TFPI: variants seen among roughly 807,000 people sequenced by gnomAD.
The protein encoded by TFPI is tissue factor pathway inhibitor.
Under a neutral mutation model 34.6 loss-of-function variants are expected in TFPI, and 15 were observed. The observed-to-expected ratio is 0.43, with a 90% CI of 0.29 to 0.67. The LOEUF is 0.67. Ranked by LOEUF, TFPI falls within the 30% of genes least tolerant of loss-of-function variation. The pLI, the probability that TFPI is intolerant of heterozygous loss-of-function variation, is 0.15. For missense variants in TFPI, 301 were observed against 364.0 expected, an observed-to-expected ratio of 0.83 and a Z score of 1.41; for synonymous variants, 105 against 120.1, an observed-to-expected ratio of 0.87 and a Z score of 0.82.
At chr2:187,487,256 C>A (rs1415162806) in intron 4 of TFPI, among the ~76,000 whole-genome samples, 2 of 151,068 alleles carry the variant, frequency 1.3e-5, no homozygotes, top group African/African-American at 4.8e-5. Context: ...ACAGATAAGG[C>A]CTTCATTTAA....
intron 1 of TFPI, among the ~76,000 whole-genome samples, chr2:187,542,866 CA>C (rs11393601): frequency 0.016 from 1,975 of 121,726 alleles, 35 homozygotes; most frequent in African/African-American, 0.051. Flanking sequence ...GACTTAGTCT[CA>C]AAAAAAAAAA....
At chr2:187,521,857 G>A (rs1687393280) in intron 1 of TFPI, among the ~76,000 whole-genome samples, 1 of 152,036 alleles carries the variant, frequency 6.6e-6, no homozygotes, top group South Asian at 2.1e-4. Flanking sequence ...GTGAGCCACT[G>A]CACCAGGCCC....
chr2:187,488,349 T>C lies in TFPI; in HGVS notation c.346A>G (p.Thr116Ala). 1 of 1,570,422 alleles carries C rather than the reference T, an allele frequency of 6.4e-7. No individual in the cohort carries two copies. The highest frequency in any genetic ancestry group is 8.6e-7 in the Non-Finnish European group (1 of 1,163,706). ...AATAAATGTTCACCTTGTTGCAATG[T>C]TGTCTTTATAATCCTGTTTGCATTA... ...RDNANRIIKT[T>A]LQQEKPDFCF... Residue 116 changes from threonine (T) to alanine (A), a missense_variant, in exon 4 of 8, where the codon ACA becomes GCA. By Grantham distance (58) the Thr-to-Ala change is moderately conservative. Transcript: ENST00000233156.
chr2:187,489,914 C>G (rs1405518881), intron 3 of TFPI, among the ~76,000 whole-genome samples: 1 of 151,494 alleles, frequency 6.6e-6, no homozygotes. Flanking sequence ...AGCAAATTAT[C>G]AAGTTTTCTT....
chr2:187,508,136 T>C (rs1686358421), intron 1 of TFPI, among the ~76,000 whole-genome samples: 1 of 152,232 alleles, frequency 6.6e-6, no homozygotes, highest in East Asian at 1.9e-4. Flanking sequence ...TGTGCTGTTA[T>C]TTCTGAGGCC....
chr2:187,533,563 C>T (rs1262065572), intron 1 of TFPI, among the ~76,000 whole-genome samples: 1 of 152,212 alleles, frequency 6.6e-6, no homozygotes, highest in Non-Finnish European at 1.5e-5. Flanking sequence ...ACACAAACGT[C>T]ACCAACATCA....
intron 6 of TFPI, among the ~76,000 whole-genome samples, chr2:187,473,555 A>G (rs1478852202): frequency 6.6e-6 from 1 of 152,154 alleles, no homozygotes; most frequent in Non-Finnish European, 1.5e-5. Context: ...TGCTCAAGAT[A>G]TATGATAGAA....
intron 6 of TFPI, among the ~76,000 whole-genome samples, chr2:187,469,043 T>C (rs1691880207): frequency 6.6e-6 from 1 of 151,592 alleles, no homozygotes; most frequent in Non-Finnish European, 1.5e-5. Context: ...AAACCCCAGA[T>C]GAACAGACTG....
rs979344443 is a variant in TFPI, at chr2:187,478,914, T to A, written c.628+5210A>T. ...CTATAAACTGTATAGTACATTATGT[T>A]TTTCTTCAAAAAAATCTTGTAATCT... is the stretch of plus-strand genomic sequence containing the variant. On this transcript the variant is annotated intron_variant, in intron 6 of 7. Transcript: ENST00000233156. 6 of 809,912 alleles carry A rather than the reference T, an allele frequency of 7.4e-6. No individual in the cohort carries two copies. In the African/African-American group the frequency reaches 1.1e-4, roughly 14 times the overall value. 50.2% of individuals were successfully genotyped at this position (809,912 alleles called of 1,614,324 possible).
At chr2:187,526,236 G>A (rs528107333) in intron 1 of TFPI, among the ~76,000 whole-genome samples, 33 of 152,188 alleles carry the variant, frequency 2.2e-4, no homozygotes, top group Non-Finnish European at 3.5e-4. Flanking sequence ...AAGAGTTTAG[G>A]ATCAAACCGA....
chr2:187,517,969 T>G (rs1285599260), intron 1 of TFPI: 1 of 152,204 alleles, frequency 6.6e-6, no homozygotes, highest in Non-Finnish European at 1.5e-5. Flanking sequence ...CAACCCCTGC[T>G]TTGTTTTGGT....
chr2:187,532,555 C>CA (rs1688018665), intron 1 of TFPI, among the ~76,000 whole-genome samples: 1 of 152,234 alleles, frequency 6.6e-6, no homozygotes, highest in Non-Finnish European at 1.5e-5. Flanking sequence ...GGCCCAGATA[C>CA]AACGCTTTCC....
intron 1 of TFPI, among the ~76,000 whole-genome samples, chr2:187,504,578 AAAG>A (rs1474251565): frequency 1.3e-5 from 2 of 151,938 alleles, no homozygotes; most frequent in African/African-American, 4.8e-5. Flanking sequence ...AAAAAAAAAA[AAAG>A]AAAAGAAAGA....
intron 1 of TFPI, among the ~76,000 whole-genome samples, chr2:187,504,621 ACTT>A (rs1319434291): frequency 3.3e-5 from 5 of 151,988 alleles, no homozygotes; most frequent in South Asian, 2.1e-4. Context: ...TTTAAAGACG[ACTT>A]CTTCTTTGGA....
intron 3 of TFPI, among the ~76,000 whole-genome samples, chr2:187,489,410 C>T (rs540498422): frequency 6.6e-6 from 1 of 150,702 alleles, no homozygotes; most frequent in African/African-American, 2.4e-5. Context: ...ATATGTATAG[C>T]TGTATCTATT....
At chr2:187,487,626 C>T (rs942428939) in intron 4 of TFPI, among the ~76,000 whole-genome samples, 1 of 151,290 alleles carries the variant, frequency 6.6e-6, no homozygotes, top group Non-Finnish European at 1.5e-5. Flanking sequence ...AAATCAGTTT[C>T]CAGGCCTTTA....
At chr2:187,490,664 CAG>C (rs1685059683) in intron 3 of TFPI, among the ~76,000 whole-genome samples, 1 of 151,610 alleles carries the variant, frequency 6.6e-6, no homozygotes, top group African/African-American at 2.4e-5. Flanking sequence ...TTTTTGCATA[CAG>C]AGTGATAATA....
At chr2:187,497,278 G>T (rs1685548229) in intron 2 of TFPI, among the ~76,000 whole-genome samples, 200 bp from the exon 3 acceptor site, 1 of 152,004 alleles carries the variant, frequency 6.6e-6, no homozygotes, top group Non-Finnish European at 1.5e-5. Flanking sequence ...CTAGACTCTT[G>T]TTAGGGAGGT....
At chr2:187,470,559 A>C (rs1691975166) in intron 6 of TFPI, among the ~76,000 whole-genome samples, 1 of 152,202 alleles carries the variant, frequency 6.6e-6, no homozygotes, top group South Asian at 2.1e-4. Context: ...GAAACCATGG[A>C]AGATACACCA....
Sources: allele counts gnomAD v4.1 joint callset (sites outside exome capture counted in the v4.1 genomes callset), GRCh38; gene constraint gnomAD v4.1.1; transcripts MANE v1.5; gene names NCBI Gene and HGNC (gene_info 2026-07-23, HGNC 2026-07-21).